Variants in FBXL4 observed in about 807,000 individuals in gnomAD.
FBXL4 encodes the protein F-box and leucine rich repeat protein 4.
A neutral mutation model predicts 58.9 loss-of-function variants in FBXL4; 40 were observed. The observed-to-expected ratio is 0.68, with a 90% CI of 0.53 to 0.88. FBXL4 has a LOEUF of 0.88. Among genes scored for constraint, FBXL4 ranks in the 40% least tolerant of loss-of-function variants. The probability of loss-of-function intolerance (pLI) is 0.00; values close to 1 mark genes in which losing one functional copy is unlikely to be tolerated. For missense variants in FBXL4, 676 were observed against 734.4 expected, an observed-to-expected ratio of 0.92 and a Z score of 0.92; for synonymous variants, 263 against 265.5, an observed-to-expected ratio of 0.99 and a Z score of 0.09.
Position 98,924,684 on chromosome 6 carries a change from T to A in FBXL4, c.512+1793A>T, listed in dbSNP as rs74634316. On this transcript the variant is annotated intron_variant, in intron 4 of 9. Coordinates refer to ENST00000369244, the MANE Select transcript of FBXL4 (RefSeq NM_001278716.2). ...AATAACATTATTTGCAATGAATTAT[T>A]AGGTAGTTCTGGAAAAAAAAGTAAA... Among the ~76,000 whole-genome samples the A allele has an allele frequency of 1.4e-3, 219 of 152,304 alleles. 1 individual carries two copies. The highest frequency in any genetic ancestry group is 5.1e-3 in the African/African-American group (210 of 41,556).
chr6:98,905,507 T>A lies in FBXL4; in HGVS notation c.1022A>T (p.Gln341Leu). The change falls in exon 6 of 10, where the codon CAG becomes CTG. Residue 341 changes from glutamine (Q) to leucine (L), a missense_variant. Gln to Leu is a moderately radical substitution (Grantham distance 113). Transcript: ENST00000369244. ...CCACTGGACAAGAGTGCAGCGAGAC[T>A]GTAGAAATTCCAGAGAAGTGTCATC... ...KLDDTSLEFL[Q>L]SRCTLVQWLN... The A allele has an allele frequency of 1.2e-6, 2 of 1,614,042 alleles. No individual in the cohort carries two copies. Among genetic ancestry groups the A allele is most frequent in the South Asian group, 1.1e-5 (1 of 91,082 alleles).
chr6:98,943,901 C>CT (rs1030614175), intron 1 of FBXL4, among the ~76,000 whole-genome samples: 4 of 152,190 alleles, frequency 2.6e-5, no homozygotes, highest in African/African-American at 9.7e-5. Context: ...CACATATTAT[C>CT]TTTAAGGCTG....
chr6:98,873,462 T>C lies in FBXL4; in HGVS notation c.*816A>G, dbSNP rs1770550180. On this transcript the variant is annotated 3_prime_UTR_variant, in exon 10 of 10. Coordinates refer to ENST00000369244, the MANE Select transcript of FBXL4 (RefSeq NM_001278716.2). Reference sequence around the variant, plus strand: ...TGTTAAGGCATCTGCTTCTAACAGTTGGAAAGCTTTTTTTATTTAGTAGTT... The same window carrying C: ...TGTTAAGGCATCTGCTTCTAACAGTCGGAAAGCTTTTTTTATTTAGTAGTT... 1 of 151,664 alleles carries C rather than the reference T, an allele frequency of 6.6e-6. No homozygotes were observed. The highest frequency in any genetic ancestry group is 2.1e-4 in the South Asian group (1 of 4,832). The allele number at this position is 151,664 out of a possible 1,614,324, so 9.4% of individuals were successfully genotyped here. A position where few individuals can be genotyped will look rare whatever the true frequency, so the allele number is the denominator to read the frequency against.
chr6:98,891,617 T>C (rs1392945264), intron 7 of FBXL4, among the ~76,000 whole-genome samples: 1 of 151,258 alleles, frequency 6.6e-6, no homozygotes, highest in Non-Finnish European at 1.5e-5. Flanking sequence ...CTGGATGTGG[T>C]GGCTCATGCA....
Position 98,936,803 on chromosome 6 carries a change from T to TG in FBXL4, c.-308-1925dup, listed in dbSNP as rs781042526. On this transcript the variant is annotated intron_variant, in intron 1 of 9. Transcript: ENST00000369244. ...AAAAATTATAGCTGGATCAACTGCATGGGGGATTGGCACCCCTAACCTTCA... is the reference window on the plus strand; with the variant it reads ...AAAAATTATAGCTGGATCAACTGCATGGGGGGATTGGCACCCCTAACCTTCA... 6.6e-5 allele frequency among the ~76,000 whole-genome samples: 10 copies of TG among 152,302 alleles called. No individual in the cohort carries two copies. In the East Asian group the frequency reaches 1.5e-3, roughly 24 times the overall value.
intron 7 of FBXL4, among the ~76,000 whole-genome samples, chr6:98,882,057 A>G (rs1770873325): frequency 6.6e-6 from 1 of 152,090 alleles, no homozygotes; most frequent in African/African-American, 2.4e-5. Flanking sequence ...TTGGTAAGAA[A>G]TTTTAAATTA....
intron 1 of FBXL4, among the ~76,000 whole-genome samples, chr6:98,946,592 C>A (rs150772673): frequency 2.0e-5 from 3 of 152,264 alleles, no homozygotes; most frequent in Middle Eastern, 3.4e-3. Context: ...TATTTCATCA[C>A]GGCGTGAGTA....
intron 5 of FBXL4, among the ~76,000 whole-genome samples, chr6:98,915,811 T>A (rs2128399999): frequency 6.6e-6 from 1 of 151,676 alleles, no homozygotes; most frequent in East Asian, 1.9e-4. Context: ...AAAGCCAAAA[T>A]TGACAAATGG....
intron 5 of FBXL4, among the ~76,000 whole-genome samples, chr6:98,906,114 T>C (rs555465565): frequency 4.0e-5 from 6 of 150,384 alleles, no homozygotes; most frequent in African/African-American, 1.5e-4. Context: ...TACTAAAGCC[T>C]AGCAGACCTA....
At chr6:98,898,476 G>T (rs1328522847) in intron 7 of FBXL4, 2 of 960,096 alleles carry the variant, frequency 2.1e-6, no homozygotes, top group Non-Finnish European at 2.5e-6. Flanking sequence ...ATGGTGGCAC[G>T]TGCCTGTAAT....
intron 5 of FBXL4, among the ~76,000 whole-genome samples, chr6:98,913,801 G>C (rs1582417335): frequency 6.6e-6 from 1 of 152,096 alleles, no homozygotes; most frequent in Admixed American, 6.6e-5. Flanking sequence ...CAGAAGGCAA[G>C]ACATAACTAA....
intron 7 of FBXL4, among the ~76,000 whole-genome samples, chr6:98,890,762 T>C (rs1319418153): frequency 1.3e-5 from 2 of 151,772 alleles, no homozygotes; most frequent in African/African-American, 4.8e-5. Flanking sequence ...CTACTAAAAG[T>C]ATAAAAATCA....
chr6:98,901,360 G>A (rs1332484969), intron 6 of FBXL4, among the ~76,000 whole-genome samples: 1 of 152,016 alleles, frequency 6.6e-6, no homozygotes, highest in African/African-American at 2.4e-5. Flanking sequence ...CAGTGAGACG[G>A]GGGATGCAGG....
chr6:98,917,237 A>G, intron 5 of FBXL4, 137 bp downstream of exon 5: 1 of 570,878 alleles, frequency 1.8e-6, no homozygotes, highest in Non-Finnish European at 2.7e-6. Context: ...AGTTTTTCCA[A>G]AATCAAAATA....
At chr6:98,937,794 G>A (rs947269113) in intron 1 of FBXL4, among the ~76,000 whole-genome samples, 3 of 152,186 alleles carry the variant, frequency 2.0e-5, no homozygotes, top group African/African-American at 4.8e-5. Context: ...TGTCATAGAA[G>A]GGTCCATGTT....
rs774697942 is a variant in FBXL4 at position 98,905,426 on chromosome 6, C to A, written c.1103G>T (p.Arg368Met). ...AACTTCATCAAGGCTTTGTACTAAC[C>A]TGCTAAATCCTGCAACAGAGATGAA... ...RGFISVAGFS[R>M]FLKVCGSELV... Residue 368 changes from arginine to methionine, a missense_variant and splice_region_variant, in exon 6 of 10, where the codon AGG becomes ATG. By Grantham distance (91) the Arg-to-Met change is moderately conservative. Transcript: ENST00000369244. 6.2e-7 allele frequency: 1 copy of A among 1,613,790 alleles called. No homozygotes were observed. The highest frequency in any genetic ancestry group is 1.3e-5 in the African/African-American group (1 of 74,914).
chr6:98,900,761 T>C (rs1771578034), intron 6 of FBXL4, among the ~76,000 whole-genome samples: 1 of 152,224 alleles, frequency 6.6e-6, no homozygotes, highest in South Asian at 2.1e-4. Flanking sequence ...AATAACCCAG[T>C]AGCCTGCACA....
intron 5 of FBXL4, among the ~76,000 whole-genome samples, chr6:98,916,346 T>C (rs1282518339): frequency 2.0e-5 from 3 of 152,226 alleles, no homozygotes; most frequent in Non-Finnish European, 1.5e-5. Context: ...TAAATCATGC[T>C]GCTAGAAAGA....
At position 98,899,057 on chromosome 6, in the gene FBXL4, T is replaced by A. The variant is rs1031727884; in HGVS notation, c.1317+211A>T. 5 of 985,260 alleles carry A rather than the reference T, an allele frequency of 5.1e-6. No homozygotes were observed. The South Asian group carries it at 2.3e-4, about 46-fold the overall frequency. 61.0% of individuals were successfully genotyped at this position (985,260 alleles called of 1,614,324 possible). ...TAGCATCACAAAAATTTTAAGAGCA[T>A]AGAGAAGAACATTTCCTTATAATTT... On this transcript the variant is annotated intron_variant, in intron 7 of 9. Coordinates refer to ENST00000369244, the MANE Select transcript of FBXL4 (RefSeq NM_001278716.2).
Sources: allele counts gnomAD v4.1 joint callset (sites outside exome capture counted in the v4.1 genomes callset), GRCh38; gene constraint gnomAD v4.1.1; transcripts MANE v1.5; gene names NCBI Gene and HGNC (gene_info 2026-07-23, HGNC 2026-07-21).